The following TBC1D13 variants were observed in gnomAD, a reference collection of about 807,000 sequenced individuals.
The protein encoded by TBC1D13 is TBC1 domain family member 13.
In TBC1D13, 40 loss-of-function variants were observed where a neutral mutation model predicts 53.6. The ratio of observed to expected loss-of-function variants is 0.75; its 90% CI spans 0.58 to 0.97. The LOEUF (loss-of-function observed/expected upper bound fraction) is 0.97. TBC1D13 is among the 50% of genes least tolerant of loss of function. The pLI is 0.00. For missense variants in TBC1D13, 377 were observed against 499.4 expected (o/e 0.75, Z 2.34); for synonymous variants, 182 against 197.7 (o/e 0.92, Z 0.67).
rs1829906874 is a variant in TBC1D13 at position 128,809,394 on chromosome 9, C to T, written c.*1515C>T. 6.6e-6 allele frequency: 1 copy of T among 152,120 alleles called. No individual in the cohort carries two copies. Among genetic ancestry groups the T allele is most frequent in the Non-Finnish European group, 1.5e-5 (1 of 68,024 alleles). 9.4% of individuals were successfully genotyped at this position (152,120 alleles called of 1,614,324 possible). ...CAGACTGGCTGGCAGGAGTCAGGCC[C>T]CAGCAGCCCTCCTGCCCCCAAAGCT... On this transcript the variant is annotated 3_prime_UTR_variant, in exon 12 of 12. Transcript: ENST00000372648.
chr9:128,806,688 A>G (rs530371869), intron 11 of TBC1D13, among the ~76,000 whole-genome samples: 27 of 152,042 alleles, frequency 1.8e-4, no homozygotes, highest in African/African-American at 5.5e-4. Flanking sequence ...CATGCCTATA[A>G]TCCCAGCACT....
At chr9:128,787,425 GC>G (rs1360265185) in intron 1 of TBC1D13, 49 bp downstream of exon 1, 1 of 1,248,796 alleles carries the variant, frequency 8.0e-7, no homozygotes, top group Non-Finnish European at 1.0e-6. Flanking sequence ...TGGCCAGGCT[GC>G]CCCTTCTGCC....
At position 128,797,096 on chromosome 9, in the gene TBC1D13, A is replaced by G; in HGVS notation, c.425A>G (p.Asp142Gly). The G allele has an allele frequency of 1.9e-6, 3 of 1,613,994 alleles. No homozygotes were observed. Among genetic ancestry groups the G allele is most frequent in the Non-Finnish European group, 1.7e-6 (2 of 1,179,976 alleles). ...PDISFFQRAT[D>G]YPCLLILDPQ... ...ATTTCCTTCTTCCAGAGGGCCACTG[A>G]CTACCCTTGCCTCCTCATCCTGGAC... The change falls in exon 7 of 12, where the codon GAC becomes GGC. Residue 142 changes from aspartate (D) to glycine (G), a missense_variant. Asp to Gly is a moderately conservative substitution (Grantham distance 94). Transcript: ENST00000372648.
intron 9 of TBC1D13, among the ~76,000 whole-genome samples, chr9:128,805,257 G>A (rs1378401445): frequency 2.0e-5 from 3 of 152,090 alleles, no homozygotes; most frequent in African/African-American, 2.4e-5. Flanking sequence ...AGCCCTCGAG[G>A]TCAAGGCTGC....
rs555583383 is a variant in TBC1D13, at chr9:128,808,007, C to G, written c.*128C>G. ...CACAGGATCGGCCCGAGACCCAGGC[C>G]ATGCCCACTGGGGACACACTGTGCC... On this transcript the variant is annotated 3_prime_UTR_variant, in exon 12 of 12. Coordinates refer to ENST00000372648, the MANE Select transcript of TBC1D13 (RefSeq NM_018201.5). 5 of 835,486 alleles carry G rather than the reference C, an allele frequency of 6.0e-6. No individual in the cohort carries two copies. In the Admixed American group the frequency reaches 8.2e-5, roughly 14 times the overall value. The allele number at this position is 835,486 out of a possible 1,614,324, so 51.8% of individuals were successfully genotyped here. A position where few individuals can be genotyped will look rare whatever the true frequency, so the allele number is the denominator to read the frequency against.
intron 1 of TBC1D13, 51 bp downstream of exon 1, chr9:128,787,427 C>A: frequency 8.0e-7 from 1 of 1,249,038 alleles, no homozygotes; most frequent in African/African-American, 1.5e-5. Flanking sequence ...GCCAGGCTGC[C>A]CCTTCTGCCC....
intron 2 of TBC1D13, 65 bp downstream of exon 2, chr9:128,788,472 A>T: frequency 6.9e-7 from 1 of 1,444,816 alleles, no homozygotes; most frequent in South Asian, 1.2e-5. Flanking sequence ...ATACAGGGGG[A>T]GGCCACACCT....
chr9:128,803,787 G>A (rs1385955216), intron 8 of TBC1D13, among the ~76,000 whole-genome samples, 169 bp from the exon 9 acceptor site: 1 of 152,112 alleles, frequency 6.6e-6, no homozygotes, highest in Non-Finnish European at 1.5e-5. Flanking sequence ...AGAAAGAGGC[G>A]ATGTCTTTAG....
intron 1 of TBC1D13, among the ~76,000 whole-genome samples, chr9:128,787,737 T>A (rs1465590636): frequency 6.7e-6 from 1 of 149,574 alleles, no homozygotes; most frequent in Non-Finnish European, 1.5e-5. Flanking sequence ...TTTTTCTTAC[T>A]AGGATTGCTA....
In TBC1D13 at chr9:128,805,849, G is replaced by A; in HGVS notation, c.919-10G>A. On this transcript the variant is annotated splice_polypyrimidine_tract_variant and intron_variant, in intron 9 of 11. Coordinates refer to ENST00000372648, the MANE Select transcript of TBC1D13 (RefSeq NM_018201.5). Reference sequence around the variant, plus strand: ...AGTCATGCCCCCCACCCCCCACGCTGTCTCCCCAGCAAGAGCAGAACATCA... The same window carrying A: ...AGTCATGCCCCCCACCCCCCACGCTATCTCCCCAGCAAGAGCAGAACATCA... 1 of 1,611,740 alleles carries A rather than the reference G, an allele frequency of 6.2e-7. No individual in the cohort carries two copies. Among genetic ancestry groups the A allele is most frequent in the Non-Finnish European group, 8.5e-7 (1 of 1,179,132 alleles).
chr9:128,804,766 G>C (rs557895562), intron 9 of TBC1D13, among the ~76,000 whole-genome samples: 1 of 107,038 alleles, frequency 9.3e-6, no homozygotes, highest in African/African-American at 3.6e-5. Flanking sequence ...CTCTCTCTCA[G>C]AGGCCAGGTT....
rs750224476 is a variant in TBC1D13, at chr9:128,806,000, G to C, written c.1060G>C (p.Val354Leu). ...DDNRFDFLLL[V>L]CCAMLMLIRE... Reference sequence around the variant, plus strand: ...CAACCGCTTTGACTTCCTCCTCCTCGTCTGCTGCGCCATGCTCATGTGAGT... The same window carrying C: ...CAACCGCTTTGACTTCCTCCTCCTCCTCTGCTGCGCCATGCTCATGTGAGT... Residue 354 changes from valine (V) to leucine (L), a missense_variant, in exon 10 of 12, where the codon GTC becomes CTC. By Grantham distance (32) the Val-to-Leu change is conservative (BLOSUM62 1). Coordinates refer to ENST00000372648, the MANE Select transcript of TBC1D13 (RefSeq NM_018201.5). 7 of 1,614,018 alleles carry C rather than the reference G, an allele frequency of 4.3e-6. No individual in the cohort carries two copies. The highest frequency in any genetic ancestry group is 2.2e-5 in the South Asian group (2 of 91,086).
chr9:128,794,054 C>T (rs1030073058), intron 6 of TBC1D13, among the ~76,000 whole-genome samples: 1 of 152,128 alleles, frequency 6.6e-6, no homozygotes, highest in African/African-American at 2.4e-5. Flanking sequence ...AGAGGGAGGC[C>T]CTGTTTTCCT....
At chr9:128,793,372 G>C (rs1406503993) in intron 6 of TBC1D13, among the ~76,000 whole-genome samples, 3 of 152,226 alleles carry the variant, frequency 2.0e-5, no homozygotes, top group Non-Finnish European at 1.5e-5. Flanking sequence ...GTGCGGCCCT[G>C]TCGGGCTGGG....
intron 9 of TBC1D13, among the ~76,000 whole-genome samples, chr9:128,805,094 C>T (rs913872854): frequency 2.0e-5 from 3 of 152,088 alleles, no homozygotes; most frequent in Non-Finnish European, 4.4e-5. Flanking sequence ...AGTTGTAATC[C>T]TAGCACTTTG....
At chr9:128,806,815 C>T (rs990747785) in intron 11 of TBC1D13, among the ~76,000 whole-genome samples, 2 of 151,974 alleles carry the variant, frequency 1.3e-5, no homozygotes, top group African/African-American at 4.8e-5. Flanking sequence ...TGGTGGCATG[C>T]ACCTGTAATT....
chr9:128,806,784 A>G (rs112804846), intron 11 of TBC1D13, among the ~76,000 whole-genome samples: 22 of 152,120 alleles, frequency 1.4e-4, no homozygotes, highest in African/African-American at 5.3e-4. Context: ...CTCTACTAAA[A>G]ATACAAAAAT....
intron 6 of TBC1D13, among the ~76,000 whole-genome samples, chr9:128,793,919 C>T (rs1402498746): frequency 6.6e-6 from 1 of 152,228 alleles, no homozygotes; most frequent in Non-Finnish European, 1.5e-5. Context: ...AGGACTGAAA[C>T]AGTCTCTGCC....
intron 7 of TBC1D13, among the ~76,000 whole-genome samples, chr9:128,802,205 G>A (rs1295484129): frequency 6.7e-6 from 1 of 149,216 alleles, no homozygotes; most frequent in East Asian, 1.9e-4. Flanking sequence ...ACAGGTATAC[G>A]CCACCACGCC....
Sources: gnomAD v4.1 joint callset for allele counts (sites outside exome capture counted in the v4.1 genomes callset) on GRCh38, gnomAD v4.1.1 for gene constraint, MANE v1.5 for transcripts, NCBI Gene and HGNC (gene_info 2026-07-23, HGNC 2026-07-21) for gene names.